The following GLRX3 variants were observed in gnomAD, a reference collection of about 807,000 sequenced individuals.
The protein encoded by GLRX3 is glutaredoxin 3.
In GLRX3, 22 loss-of-function variants were observed where a neutral mutation model predicts 49.5. The observed-to-expected ratio is 0.44, with a 90% confidence interval of 0.32 to 0.63. The LOEUF is 0.63. GLRX3 is among the 30% of genes least tolerant of loss of function. GLRX3 has a pLI of 0.05. For missense variants in GLRX3, 385 were observed against 396.3 expected, an observed-to-expected ratio of 0.97 and a Z score of 0.24; for synonymous variants, 133 against 140.0, an observed-to-expected ratio of 0.95 and a Z score of 0.35.
At chr10:130,158,573 C>T (rs890788258) in intron 2 of GLRX3, among the ~76,000 whole-genome samples, 3 of 152,006 alleles carry the variant, frequency 2.0e-5, no homozygotes, top group African/African-American at 4.8e-5. Context: ...ATGCCCAGTG[C>T]GTAGTGGGCA....
intron 2 of GLRX3, among the ~76,000 whole-genome samples, chr10:130,154,977 C>CT (rs545919115): frequency 9.4e-4 from 140 of 149,052 alleles, no homozygotes; most frequent in Non-Finnish European, 1.6e-3. Flanking sequence ...AGAGATCTTT[C>CT]TTTTTTTTTT....
intron 8 of GLRX3, among the ~76,000 whole-genome samples, chr10:130,172,290 CAGTACAGAA>C (rs1467631283): frequency 6.6e-6 from 1 of 152,116 alleles, no homozygotes; most frequent in Non-Finnish European, 1.5e-5. Flanking sequence ...AGTTGCTAAA[CAGTACAGAA>C]AGCTGAGGGG....
intron 2 of GLRX3, among the ~76,000 whole-genome samples, chr10:130,148,822 G>T (rs1862317053): frequency 6.6e-6 from 1 of 152,068 alleles, no homozygotes; most frequent in African/African-American, 2.4e-5. Context: ...CAGCACTTTG[G>T]GAGGTGTGAG....
intron 2 of GLRX3, among the ~76,000 whole-genome samples, chr10:130,150,203 G>A (rs1862346682): frequency 6.9e-6 from 1 of 144,240 alleles, no homozygotes; most frequent in African/African-American, 2.6e-5. Context: ...CCACACCACT[G>A]CATTCCAGCC....
At chr10:130,139,099 G>A (rs1024362603) in intron 1 of GLRX3, among the ~76,000 whole-genome samples, 2 of 151,908 alleles carry the variant, frequency 1.3e-5, no homozygotes, top group African/African-American at 4.8e-5. Context: ...GACCTTAGGT[G>A]ATGGGCCCGC....
chr10:130,145,247 TC>T lies in GLRX3; in HGVS notation c.131del (p.Pro44HisfsTer6). The T allele has an allele frequency of 6.4e-7, 1 of 1,558,230 alleles. No homozygotes were observed. The highest frequency in any genetic ancestry group is 8.8e-7 in the Non-Finnish European group (1 of 1,132,290). On this transcript the variant is annotated frameshift_variant, in exon 2 of 11. Transcript: ENST00000331244. LOFTEE classifies it high-confidence loss of function. ...TGGTCCATTTCTGGGCACCATGGGCTCCACAGTGTGCACAGATGAACGAAGT... is the reference window on the plus strand; with the variant it reads ...TGGTCCATTTCTGGGCACCATGGGCTCACAGTGTGCACAGATGAACGAAGT... ...LVVHFWAPWA[P>X]QCAQMNEVMA...
chr10:130,170,601 T>A (rs1445983895), intron 7 of GLRX3, among the ~76,000 whole-genome samples: 1 of 152,208 alleles, frequency 6.6e-6, no homozygotes, highest in Admixed American at 6.5e-5. Context: ...CTAGTAATGA[T>A]AAAGTGACAT....
chr10:130,139,893 T>G (rs1488100270), intron 1 of GLRX3, among the ~76,000 whole-genome samples: 3 of 152,144 alleles, frequency 2.0e-5, no homozygotes, highest in Non-Finnish European at 4.4e-5. Flanking sequence ...CCTGCCACTG[T>G]ACTCCAGCCT....
chr10:130,177,207 T>C (rs1403943481), intron 10 of GLRX3, among the ~76,000 whole-genome samples: 2 of 152,188 alleles, frequency 1.3e-5, no homozygotes, highest in Non-Finnish European at 2.9e-5. Flanking sequence ...AGCGTTTGTT[T>C]TGTTGAATGA....
intron 10 of GLRX3, among the ~76,000 whole-genome samples, chr10:130,176,770 C>CCCTG (rs201985761): frequency 2.6e-5 from 3 of 114,378 alleles, no homozygotes; most frequent in Admixed American, 9.6e-5. Context: ...CCCTCCCTCC[C>CCCTG]TCTTTCTCTC....
intron 8 of GLRX3, 42 bp downstream of exon 8, chr10:130,171,678 C>A: frequency 9.5e-7 from 1 of 1,054,498 alleles, no homozygotes; most frequent in Non-Finnish European, 1.5e-6. Context: ...AAAAAAATTC[C>A]AACCTGGCCA....
chr10:130,138,643 G>GCTC (rs1862112198), intron 1 of GLRX3, among the ~76,000 whole-genome samples: 1 of 152,146 alleles, frequency 6.6e-6, no homozygotes, highest in Non-Finnish European at 1.5e-5. Flanking sequence ...TGGAAGCTGG[G>GCTC]CTCTGACTCA....
intron 1 of GLRX3, among the ~76,000 whole-genome samples, chr10:130,140,230 CTGA>C (rs900067180): frequency 6.6e-6 from 1 of 152,172 alleles, no homozygotes; most frequent in Non-Finnish European, 1.5e-5. Flanking sequence ...CAACTATTTG[CTGA>C]TGAAGAGCTG....
At chr10:130,138,496 A>G (rs1382617923) in intron 1 of GLRX3, among the ~76,000 whole-genome samples, 1 of 152,206 alleles carries the variant, frequency 6.6e-6, no homozygotes, top group Admixed American at 6.5e-5. Flanking sequence ...TTACTGACTA[A>G]TGGTTAGAAA....
At chr10:130,157,573 G>C (rs548408069) in intron 2 of GLRX3, among the ~76,000 whole-genome samples, 1 of 125,710 alleles carries the variant, frequency 8.0e-6, no homozygotes, top group East Asian at 2.3e-4. Context: ...TCAAATGCCA[G>C]TCTCTTCCCA....
intron 2 of GLRX3, among the ~76,000 whole-genome samples, chr10:130,149,006 T>G (rs1321827417): frequency 6.6e-6 from 1 of 152,106 alleles, no homozygotes; most frequent in African/African-American, 2.4e-5. Context: ...TGCAGTGAGC[T>G]ATGATTGTGC....
chr10:130,168,752 G>GA (rs1308503699), intron 6 of GLRX3, among the ~76,000 whole-genome samples: 1 of 152,156 alleles, frequency 6.6e-6, no homozygotes, highest in Non-Finnish European at 1.5e-5. Context: ...CAACCTCTAA[G>GA]GAGATTTTTG....
At chr10:130,156,020 G>A (rs1286239397) in intron 2 of GLRX3, among the ~76,000 whole-genome samples, 1 of 152,108 alleles carries the variant, frequency 6.6e-6, no homozygotes, top group Admixed American at 6.5e-5. Flanking sequence ...GTGTAGGGAG[G>A]CGCTTGGCTC....
chr10:130,154,422 C>T (rs899464867), intron 2 of GLRX3, among the ~76,000 whole-genome samples: 2 of 152,208 alleles, frequency 1.3e-5, no homozygotes, highest in African/African-American at 2.4e-5. Context: ...GCATTGATCT[C>T]GCTGGGAGCT....
Sources: gnomAD v4.1 joint callset for allele counts (sites outside exome capture counted in the v4.1 genomes callset) on GRCh38, gnomAD v4.1.1 for gene constraint, MANE v1.5 for transcripts, NCBI Gene and HGNC (gene_info 2026-07-23, HGNC 2026-07-21) for gene names.